The following PRKCZ variants were observed in gnomAD, a reference collection of about 807,000 sequenced individuals.
The protein encoded by PRKCZ is protein kinase C zeta type.
Under a neutral mutation model 79.5 loss-of-function variants are expected in PRKCZ, and 33 were observed. The ratio of observed to expected loss-of-function variants is 0.41; its 90% CI spans 0.31 to 0.55. The LOEUF (loss-of-function observed/expected upper bound fraction) is 0.55, where lower values mean the gene tolerates loss of function less well. Ranked by LOEUF, PRKCZ falls within the 20% of genes least tolerant of loss-of-function variation. The pLI is 0.19. For synonymous variants in PRKCZ, 342 were observed against 320.9 expected, an observed-to-expected ratio of 1.07 and a Z score of -0.70; for missense variants, 578 against 813.5, an observed-to-expected ratio of 0.71 and a Z score of 3.52.
At chr1:2,114,116 A>T (rs915497229) in intron 4 of PRKCZ, among the ~76,000 whole-genome samples, 2 of 152,174 alleles carry the variant, frequency 1.3e-5, no homozygotes, top group African/African-American at 4.8e-5. Flanking sequence ...AGATAAAAAC[A>T]GCAGAGGGCT....
Position 2,144,191 on chromosome 1 carries a change from GCT to G in PRKCZ, c.421-16_421-15del, listed in dbSNP as rs771092213. 2 of 1,550,330 alleles carry G rather than the reference GCT, an allele frequency of 1.3e-6. No individual in the cohort carries two copies. Among genetic ancestry groups the G allele is most frequent in the African/African-American group, 1.4e-5 (1 of 73,006 alleles). On this transcript the variant is annotated splice_polypyrimidine_tract_variant and intron_variant, in intron 5 of 17. Coordinates refer to ENST00000378567, the MANE Select transcript of PRKCZ (RefSeq NM_002744.6). ...CCCCTCAGTGTGGCCTGGGCCTGAC[GCT>G]CTGTTCCCACCTGCAGAGAGCGTAC... is the stretch of plus-strand genomic sequence containing the variant.
In PRKCZ at chr1:2,157,766, C is replaced by A. The variant is rs78741022; in HGVS notation, c.974+1674C>A. 9.3e-3 allele frequency among the ~76,000 whole-genome samples: 1,397 copies of A among 149,966 alleles called. 25 individuals are homozygous for A. The highest frequency in any genetic ancestry group is 0.082 in the East Asian group (414 of 5,074). ...TAGGGTCTTGCTCTGTCGCCCCAGG[C>A]TGGTCTCAAACTCCTGGGCTCCTGC... On this transcript the variant is annotated intron_variant, in intron 10 of 17. Coordinates refer to ENST00000378567, the MANE Select transcript of PRKCZ (RefSeq NM_002744.6).
chr1:2,165,352 C>T lies in PRKCZ; in HGVS notation c.975-4166C>T, dbSNP rs1212637392. 6.6e-6 allele frequency among the ~76,000 whole-genome samples: 1 copy of T among 152,146 alleles called. No individual in the cohort carries two copies. Among genetic ancestry groups the T allele is most frequent in the East Asian group, 1.9e-4 (1 of 5,192 alleles). On this transcript the variant is annotated intron_variant, in intron 10 of 17. Transcript: ENST00000378567. The surrounding 1 kb of genome is among the most constrained non-coding windows in gnomAD (Gnocchi z 4.1). ...GGTTTCCAAGTGAGGGTTCTGGGCC[C>T]GCCCGAGTCATCTGATGTTGGGTCT...
rs772473686 is a variant in PRKCZ, at chr1:2,178,003, T to G, written c.1575+2690T>G. Among the ~76,000 whole-genome samples the G allele has an allele frequency of 9.2e-5, 14 of 152,236 alleles. No homozygotes were observed. Among genetic ancestry groups the G allele is most frequent in the Non-Finnish European group, 1.6e-4 (11 of 68,046 alleles). ...GCTTTTAGGAAGAAGTGTGGCTGTT[T>G]TGGCCAGATTGCTTTAGCTGTCCTC... On this transcript the variant is annotated intron_variant, in intron 16 of 17. Coordinates refer to ENST00000378567, the MANE Select transcript of PRKCZ (RefSeq NM_002744.6). This position sits in a 1 kb window ranked among gnomAD's most constrained non-coding sequence, Gnocchi z 4.3.
Position 2,125,292 on chromosome 1 carries a change from A to G in PRKCZ, c.335-9970A>G, listed in dbSNP as rs957856436. On this transcript the variant is annotated intron_variant, in intron 4 of 17. Coordinates refer to ENST00000378567, the MANE Select transcript of PRKCZ (RefSeq NM_002744.6). This position sits in a 1 kb window ranked among gnomAD's most constrained non-coding sequence, Gnocchi z 4.2. The stretch of plus-strand genomic sequence containing the variant: ...ACATCTTTCCACGGAAACTATGAAA[A>G]TACTGGTCAGCCTCTCAGTCATTTC... Among the ~76,000 whole-genome samples, 2 of 152,230 alleles carry G rather than the reference A, an allele frequency of 1.3e-5. No homozygotes were observed. Among genetic ancestry groups the G allele is most frequent in the Non-Finnish European group, 2.9e-5 (2 of 68,046 alleles).
chr1:2,079,823 C>T (rs1475616919), intron 4 of PRKCZ, among the ~76,000 whole-genome samples: 1 of 152,162 alleles, frequency 6.6e-6, no homozygotes, highest in Non-Finnish European at 1.5e-5. Context: ...ATTTGTCTGC[C>T]CACATTGACT....
chr1:2,166,306 C>G (rs1002067923), intron 10 of PRKCZ, among the ~76,000 whole-genome samples: 3 of 152,176 alleles, frequency 2.0e-5, no homozygotes, highest in Non-Finnish European at 4.4e-5. Context: ...GTGGTCCCAG[C>G]TCCTCGGGAG....
chr1:2,131,117 A>C (rs968987537), intron 4 of PRKCZ, among the ~76,000 whole-genome samples: 8 of 152,004 alleles, frequency 5.3e-5, no homozygotes, highest in African/African-American at 1.9e-4. Flanking sequence ...GGTCACTTGA[A>C]TCCCCGCCTC....
rs909076749 is a variant in PRKCZ, at chr1:2,149,940, C to G, written c.688-850C>G. Among the ~76,000 whole-genome samples the G allele has an allele frequency of 3.3e-5, 5 of 150,692 alleles. No homozygotes were observed. The highest frequency in any genetic ancestry group is 1.2e-4 in the African/African-American group (5 of 40,922). ...TTGGGAAGCTGAGGCGGGCAGATCA[C>G]GAGGTCAGGAGATGGAGACCATCCT... On this transcript the variant is annotated intron_variant, in intron 8 of 17. Coordinates refer to ENST00000378567, the MANE Select transcript of PRKCZ (RefSeq NM_002744.6). This position sits in a 1 kb window ranked among gnomAD's most constrained non-coding sequence, Gnocchi z 4.1.
intron 11 of PRKCZ, among the ~76,000 whole-genome samples, chr1:2,170,092 C>G (rs1439867459): frequency 6.6e-6 from 1 of 152,156 alleles, no homozygotes; most frequent in Non-Finnish European, 1.5e-5. Context: ...TGGCTCTGCC[C>G]TGGTTCTGCT....
intron 9 of PRKCZ, among the ~76,000 whole-genome samples, chr1:2,154,422 C>T (rs900716647): frequency 6.6e-6 from 1 of 152,082 alleles, no homozygotes; most frequent in East Asian, 1.9e-4. Flanking sequence ...AGGAGGAGGG[C>T]GCTGAGGAGG....
At chr1:2,096,177 C>G (rs1287403660) in intron 4 of PRKCZ, among the ~76,000 whole-genome samples, 1 of 151,864 alleles carries the variant, frequency 6.6e-6, no homozygotes, top group Non-Finnish European at 1.5e-5. Flanking sequence ...CTCCCTGCGT[C>G]TGGCCTCTGG....
At position 2,144,700 on chromosome 1, in the gene PRKCZ, G is replaced by C. The variant is rs74726441; in HGVS notation, c.552+359G>C. 5 of 975,150 alleles carry C rather than the reference G, an allele frequency of 5.1e-6. No individual in the cohort carries two copies. The East Asian group carries it at 3.7e-4, about 73-fold the overall frequency. The allele number at this position is 975,150 out of a possible 1,614,324, so 60.4% of individuals were successfully genotyped here. On this transcript the variant is annotated intron_variant, in intron 6 of 17. Coordinates refer to ENST00000378567, the MANE Select transcript of PRKCZ (RefSeq NM_002744.6). ...AAGCCAGGTCTGACCTAGTAGCATT[G>C]GGCACGCTGAGGCTCCGAACATCTG...
intron 4 of PRKCZ, among the ~76,000 whole-genome samples, chr1:2,069,914 C>T (rs1282573625): frequency 2.0e-5 from 3 of 152,172 alleles, no homozygotes; most frequent in Non-Finnish European, 4.4e-5. Context: ...CCAGTCAGGC[C>T]CCATTGGCCT....
chr1:2,077,512 TC>T (rs1662665550), intron 4 of PRKCZ, among the ~76,000 whole-genome samples: 1 of 152,238 alleles, frequency 6.6e-6, no homozygotes, highest in African/African-American at 2.4e-5. Context: ...TGGTGTCTTG[TC>T]CTGGTCAGGA....
Position 2,059,537 on chromosome 1 carries a change from C to T in PRKCZ, c.284-4C>T. On this transcript the variant is annotated splice_polypyrimidine_tract_variant and splice_region_variant and intron_variant, in intron 3 of 17. Coordinates refer to ENST00000378567, the MANE Select transcript of PRKCZ (RefSeq NM_002744.6). ...GACGCTGTCTCTTTCTCTCTCTTGTCCAGTTTTCCCGAGCACCCCTGAGCA... is the reference window on the plus strand; with the variant it reads ...GACGCTGTCTCTTTCTCTCTCTTGTTCAGTTTTCCCGAGCACCCCTGAGCA... 1 of 1,614,126 alleles carries T rather than the reference C, an allele frequency of 6.2e-7. No homozygotes were observed. The highest frequency in any genetic ancestry group is 2.2e-5 in the East Asian group (1 of 44,878).
Position 2,184,369 on chromosome 1 carries a change from A to T in PRKCZ, c.1576-214A>T, listed in dbSNP as rs184139844. The T allele has an allele frequency of 1.3e-4, 69 of 512,572 alleles. No individual in the cohort carries two copies. The East Asian group carries it at 1.5e-3, about 11-fold the overall frequency. 31.8% of individuals were successfully genotyped at this position (512,572 alleles called of 1,614,324 possible). A position where few individuals can be genotyped will look rare whatever the true frequency, so the allele number is the denominator to read the frequency against. ...CCCACATGTGGCCAGCATGGCCGAC[A>T]CTGGCATTTCTCAGCTCGACAACAA... On this transcript the variant is annotated intron_variant, in intron 16 of 17. Coordinates refer to ENST00000378567, the MANE Select transcript of PRKCZ (RefSeq NM_002744.6).
intron 4 of PRKCZ, among the ~76,000 whole-genome samples, chr1:2,109,834 C>CG (rs1029348305): frequency 4.6e-5 from 7 of 152,026 alleles, no homozygotes; most frequent in African/African-American, 1.7e-4. Flanking sequence ...TGGGAGCCGC[C>CG]GGGGAAAGCC....
chr1:2,054,140 C>T (rs1355210151), intron 1 of PRKCZ, among the ~76,000 whole-genome samples: 1 of 152,202 alleles, frequency 6.6e-6, no homozygotes, highest in Non-Finnish European at 1.5e-5. Flanking sequence ...TGAAACTTGT[C>T]TGATGAATTC....
Sources: gnomAD v4.1 joint callset for allele counts (sites outside exome capture counted in the v4.1 genomes callset) on GRCh38, gnomAD v4.1.1 for gene constraint, Gnocchi (gnomAD v3.1) non-coding constraint, MANE v1.5 for transcripts, NCBI Gene and HGNC (gene_info 2026-07-23, HGNC 2026-07-21) for gene names.